The following XRCC5 variants were observed in gnomAD, a reference collection of about 807,000 sequenced individuals.
XRCC5 encodes DNA repair protein Ku80.
In XRCC5, 12 loss-of-function variants were observed where a neutral mutation model predicts 95.7. The observed-to-expected ratio is 0.13, with a 90% CI of 0.08 to 0.20. The LOEUF is 0.20. XRCC5 is among the 10% of genes least tolerant of loss of function. XRCC5 has a pLI of 1.00. For missense variants in XRCC5, 595 were observed against 873.9 expected (o/e 0.68, Z 4.02); for synonymous variants, 281 against 290.3 (o/e 0.97, Z 0.33).
chr2:216,181,834 A>G (rs1278431094), intron 16 of XRCC5, among the ~76,000 whole-genome samples: 4 of 152,310 alleles, frequency 2.6e-5, no homozygotes, highest in Non-Finnish European at 4.4e-5. Flanking sequence ...AGCCCCATCA[A>G]AGAAGAAGTG....
At chr2:216,172,181 G>A (rs1689176144) in intron 16 of XRCC5, among the ~76,000 whole-genome samples, 3 of 152,138 alleles carry the variant, frequency 2.0e-5, no homozygotes, top group Admixed American at 2.0e-4. Context: ...GTAATAACCC[G>A]GTGGTGGAAC....
intron 2 of XRCC5, among the ~76,000 whole-genome samples, chr2:216,116,426 C>T (rs947368826): frequency 2.6e-5 from 4 of 152,188 alleles, no homozygotes; most frequent in African/African-American, 4.8e-5. Context: ...CCTATTTCCA[C>T]ACCTCAACTT....
chr2:216,192,762 A>T (rs62178696), intron 18 of XRCC5, 27 bp downstream of exon 18: 72 of 1,439,326 alleles, frequency 5.0e-5, no homozygotes, highest in African/African-American at 2.8e-4. Context: ...CTTTTTTTTT[A>T]AAAAGTATTT....
At chr2:216,136,562 G>A (rs1261564696) in intron 10 of XRCC5, among the ~76,000 whole-genome samples, 2 of 152,080 alleles carry the variant, frequency 1.3e-5, no homozygotes, top group African/African-American at 2.4e-5. Flanking sequence ...TATAGAGACA[G>A]TGGAATGGTG....
chr2:216,152,365 A>G (rs1039959744), intron 14 of XRCC5, among the ~76,000 whole-genome samples: 4 of 151,980 alleles, frequency 2.6e-5, no homozygotes, highest in Admixed American at 1.3e-4. Context: ...GCTTGAACCT[A>G]GGAGGCGGAG....
intron 16 of XRCC5, among the ~76,000 whole-genome samples, chr2:216,183,432 T>TG (rs1689429477): frequency 6.6e-6 from 1 of 152,164 alleles, no homozygotes; most frequent in Admixed American, 6.5e-5. Context: ...TCATTAAGCA[T>TG]GAAAAAATGG....
At chr2:216,120,584 A>T (rs1393301714) in intron 5 of XRCC5, among the ~76,000 whole-genome samples, 1 of 148,264 alleles carries the variant, frequency 6.7e-6, no homozygotes, top group Non-Finnish European at 1.5e-5. Flanking sequence ...TTTATTTTTA[A>T]TTTTTTTTTT....
At chr2:216,120,823 C>G (rs1473072322) in intron 5 of XRCC5, among the ~76,000 whole-genome samples, 1 of 152,170 alleles carries the variant, frequency 6.6e-6, no homozygotes, top group Non-Finnish European at 1.5e-5. Flanking sequence ...GCAACCTCCG[C>G]CTCCCAGGCT....
At chr2:216,180,009 G>A (rs1267191236) in intron 16 of XRCC5, among the ~76,000 whole-genome samples, 1 of 152,148 alleles carries the variant, frequency 6.6e-6, no homozygotes, top group Non-Finnish European at 1.5e-5. Flanking sequence ...GAGTGTGTGA[G>A]AGAGAAAAAG....
intron 16 of XRCC5, among the ~76,000 whole-genome samples, chr2:216,179,206 C>A (rs1202447117): frequency 6.6e-6 from 1 of 152,178 alleles, no homozygotes; most frequent in African/African-American, 2.4e-5. Flanking sequence ...GCAATTCTTG[C>A]ATCCCTTGAC....
intron 19 of XRCC5, among the ~76,000 whole-genome samples, chr2:216,197,119 G>A (rs1689738026): frequency 6.6e-6 from 1 of 152,188 alleles, no homozygotes; most frequent in African/African-American, 2.4e-5. Flanking sequence ...AAAGAAATCT[G>A]AAAACAGATG....
intron 10 of XRCC5, among the ~76,000 whole-genome samples, chr2:216,134,523 G>T (rs1008678532): frequency 4.6e-5 from 7 of 151,526 alleles, no homozygotes; most frequent in Non-Finnish European, 7.4e-5. Context: ...TGCCTCCCGG[G>T]TTCAAGTGAT....
At chr2:216,202,068 G>A (rs1689842543) in intron 19 of XRCC5, among the ~76,000 whole-genome samples, 1 of 152,140 alleles carries the variant, frequency 6.6e-6, no homozygotes, top group African/African-American at 2.4e-5. Context: ...TGTGCCATTT[G>A]TGCTTAAGTA....
chr2:216,177,425 TA>T (rs2106037845), intron 16 of XRCC5, among the ~76,000 whole-genome samples: 1 of 152,292 alleles, frequency 6.6e-6, no homozygotes, highest in South Asian at 2.1e-4. Flanking sequence ...TAATAGAGTA[TA>T]TGTTAAATAA....
intron 13 of XRCC5, among the ~76,000 whole-genome samples, chr2:216,142,748 CTT>C (rs1362938595): frequency 1.3e-5 from 2 of 152,162 alleles, no homozygotes; most frequent in Admixed American, 1.3e-4. Flanking sequence ...CTGTAACTAA[CTT>C]AAGTCCATAT....
chr2:216,198,649 A>G (rs1689779199), intron 19 of XRCC5, among the ~76,000 whole-genome samples: 1 of 151,958 alleles, frequency 6.6e-6, no homozygotes, highest in Non-Finnish European at 1.5e-5. Flanking sequence ...TCTGCCTCCC[A>G]GGTTCAAGCA....
At chr2:216,164,185 T>C (rs1024435692) in intron 16 of XRCC5, among the ~76,000 whole-genome samples, 1 of 152,180 alleles carries the variant, frequency 6.6e-6, no homozygotes, top group Non-Finnish European at 1.5e-5. Context: ...ATCAAGACTA[T>C]TGTGTTTTTG....
rs71401137 is a variant in XRCC5, at chr2:216,141,540, C to CTTTT, written c.1476+244_1476+247dup. ...AAAGTTGGAATGCTTTCTTTCTTTT[C>CTTTT]TTTTTTTTTTTTTTTTTTTTTTTTT... On this transcript the variant is annotated intron_variant, in intron 13 of 20. Coordinates refer to ENST00000392132, the MANE Select transcript of XRCC5 (RefSeq NM_021141.4). Among the ~76,000 whole-genome samples, 164 of 64,920 alleles carry CTTTT rather than the reference C, an allele frequency of 2.5e-3. 26 individuals are homozygous for CTTTT. Among genetic ancestry groups the CTTTT allele is most frequent in the East Asian group, 8.0e-3 (16 of 2,000 alleles). 42.6% of individuals were successfully genotyped at this position (64,920 alleles called of 152,430 possible). A position where few individuals can be genotyped will look rare whatever the true frequency, so the allele number is the denominator to read the frequency against.
chr2:216,172,711 A>G (rs1689192325), intron 16 of XRCC5, among the ~76,000 whole-genome samples: 1 of 152,028 alleles, frequency 6.6e-6, no homozygotes, highest in African/African-American at 2.4e-5. Context: ...TGAGGTGATC[A>G]ACCTGCCTTG....
Sources: allele counts gnomAD v4.1 joint callset (sites outside exome capture counted in the v4.1 genomes callset), GRCh38; gene constraint gnomAD v4.1.1; transcripts MANE v1.5; gene names NCBI Gene and HGNC (gene_info 2026-07-23, HGNC 2026-07-21).